The following NUTF2 variants were observed in gnomAD, a reference collection of about 807,000 sequenced individuals.
The protein encoded by NUTF2 is nuclear transport factor 2.
NUTF2 carries 3 observed loss-of-function variants against 18.5 expected under a neutral mutation model. The observed-to-expected ratio is 0.16, with a 90% CI of 0.07 to 0.42. NUTF2 has a LOEUF of 0.42. NUTF2 is among the 10% of genes least tolerant of loss of function. The probability of loss-of-function intolerance (pLI) is 0.99; values close to 1 mark genes in which losing one functional copy is unlikely to be tolerated. For missense variants in NUTF2, 44 were observed against 160.7 expected (o/e 0.27, Z 3.93); for synonymous variants, 51 against 57.9 (o/e 0.88, Z 0.54).
chr16:67,855,891 G>GT (rs372307093), intron 1 of NUTF2: 17 of 430,858 alleles, frequency 3.9e-5, no homozygotes, highest in African/African-American at 2.3e-4. Context: ...TTTTGGCGGG[G>GT]GGGGGGGATG....
At chr16:67,850,233 C>T (rs182284521) in intron 1 of NUTF2, among the ~76,000 whole-genome samples, 407 of 147,556 alleles carry the variant, frequency 2.8e-3, no homozygotes, top group Admixed American at 7.1e-3. Context: ...GAGATGGAGT[C>T]GTACTCTGTC....
chr16:67,851,754 G>C (rs960276732), intron 1 of NUTF2, among the ~76,000 whole-genome samples: 1 of 152,030 alleles, frequency 6.6e-6, no homozygotes, highest in Admixed American at 6.6e-5. Context: ...AGTGGCTCAC[G>C]CCTGTAATCC....
intron 2 of NUTF2, among the ~76,000 whole-genome samples, chr16:67,865,782 G>A (rs1279281302): frequency 3.4e-5 from 5 of 148,080 alleles, no homozygotes; most frequent in African/African-American, 5.0e-5. Flanking sequence ...GCAATGGCTC[G>A]ATCTCAGCTC....
At chr16:67,859,936 G>A (rs8058310) in intron 1 of NUTF2, among the ~76,000 whole-genome samples, 20,773 of 151,018 alleles carry the variant, frequency 0.14, 2,918 homozygotes, top group African/African-American at 0.36. Context: ...CCGGGTAGCT[G>A]GGATTACAGG....
intron 1 of NUTF2, 84 bp downstream of exon 1, chr16:67,847,069 C>T (rs1416329172): frequency 4.7e-5 from 7 of 149,898 alleles, no homozygotes; most frequent in Non-Finnish European, 3.0e-5. Flanking sequence ...CGCTGAGAGT[C>T]CCCGGGCGGC....
chr16:67,852,005 A>C (rs1249073237), intron 1 of NUTF2, among the ~76,000 whole-genome samples: 1 of 152,018 alleles, frequency 6.6e-6, no homozygotes, highest in Non-Finnish European at 1.5e-5. Context: ...AACAACAGCG[A>C]AACTCCATCT....
chr16:67,868,660 T>C (rs2057991370), intron 4 of NUTF2, 61 bp downstream of exon 4: 9 of 1,464,670 alleles, frequency 6.1e-6, no homozygotes, highest in Non-Finnish European at 8.6e-6. Flanking sequence ...CTTGTACCCC[T>C]GCTTTCCCTG....
chr16:67,868,670 G>A, intron 4 of NUTF2, 71 bp downstream of exon 4: 1 of 1,397,398 alleles, frequency 7.2e-7, no homozygotes, highest in African/African-American at 1.4e-5. Context: ...TGCTTTCCCT[G>A]TGGATGTGAC....
rs1332804650 is a variant in NUTF2, at chr16:67,868,482, C to G, written c.172-19C>G. 1.2e-6 allele frequency: 2 copies of G among 1,614,046 alleles called. No homozygotes were observed. Among genetic ancestry groups the G allele is most frequent in the South Asian group, 1.1e-5 (1 of 91,076 alleles). On this transcript the variant is annotated intron_variant, in intron 3 of 4. Coordinates refer to ENST00000219169, the MANE Select transcript of NUTF2 (RefSeq NM_005796.3). Reference sequence around the variant, plus strand: ...CCTTCTGGCCTTGGTTCTCCCACCTCCCACTCTCTCTCTTGTAGAGCCTTC... The same window carrying G: ...CCTTCTGGCCTTGGTTCTCCCACCTGCCACTCTCTCTCTTGTAGAGCCTTC...
intron 2 of NUTF2, among the ~76,000 whole-genome samples, chr16:67,866,612 C>A (rs542539741): frequency 6.6e-6 from 1 of 152,050 alleles, no homozygotes; most frequent in African/African-American, 2.4e-5. Context: ...ACTACAGGCA[C>A]GTGTTGCCAT....
At chr16:67,857,315 G>A (rs1244467191) in intron 1 of NUTF2, among the ~76,000 whole-genome samples, 4 of 152,136 alleles carry the variant, frequency 2.6e-5, no homozygotes, top group African/African-American at 9.7e-5. Context: ...GGCCAGTCAG[G>A]GAAGCCCAGT....
At chr16:67,849,494 A>G (rs1220017061) in intron 1 of NUTF2, among the ~76,000 whole-genome samples, 3 of 151,476 alleles carry the variant, frequency 2.0e-5, no homozygotes, top group Admixed American at 6.6e-5. Context: ...GGCGCACGCC[A>G]CCATGCCTGG....
chr16:67,848,752 A>G (rs1294652837), intron 1 of NUTF2, among the ~76,000 whole-genome samples: 1 of 150,886 alleles, frequency 6.6e-6, no homozygotes, highest in African/African-American at 2.4e-5. Context: ...AAAAAAAAAG[A>G]AAAAGAAAAA....
Position 67,870,783 on chromosome 16 carries a change from C to G in NUTF2, c.271-17C>G. 1 of 1,596,164 alleles carries G rather than the reference C, an allele frequency of 6.3e-7. No individual in the cohort carries two copies. The highest frequency in any genetic ancestry group is 1.7e-5 in the Admixed American group (1 of 59,964). ...TTTCTTGATCCCCTTACTGAATCCT[C>G]TTTTCTCTCCTCATAGGCGGATGAA... On this transcript the variant is annotated splice_polypyrimidine_tract_variant and intron_variant, in intron 4 of 4. Coordinates refer to ENST00000219169, the MANE Select transcript of NUTF2 (RefSeq NM_005796.3).
chr16:67,872,227 C>G lies in NUTF2; in HGVS notation c.*1314C>G, dbSNP rs2058018792. 1 of 152,232 alleles carries G rather than the reference C, an allele frequency of 6.6e-6. No individual in the cohort carries two copies. Among genetic ancestry groups the G allele is most frequent in the Non-Finnish European group, 1.5e-5 (1 of 68,056 alleles). The allele number at this position is 152,232 out of a possible 1,614,324, so 9.4% of individuals were successfully genotyped here. A position where few individuals can be genotyped will look rare whatever the true frequency, so the allele number is the denominator to read the frequency against. On this transcript the variant is annotated 3_prime_UTR_variant, in exon 5 of 5. Transcript: ENST00000219169. The stretch of plus-strand genomic sequence containing the variant: ...CAAACCCAAGATTTGGGTCAGTGCC[C>G]TGTTAAGGGTTTTAGGATTGGTAAG...
At chr16:67,861,890 T>TG (rs749088928) in intron 1 of NUTF2, among the ~76,000 whole-genome samples, 4 of 152,288 alleles carry the variant, frequency 2.6e-5, no homozygotes, top group South Asian at 2.1e-4. Flanking sequence ...GGGGATAGGA[T>TG]GGGGGCTCTG....
intron 2 of NUTF2, among the ~76,000 whole-genome samples, chr16:67,866,446 C>T (rs1383632377): frequency 6.6e-6 from 1 of 151,472 alleles, no homozygotes; most frequent in Non-Finnish European, 1.5e-5. Flanking sequence ...GCTGAGGCTA[C>T]AGGCATGCAC....
In NUTF2 at chr16:67,868,329, G is replaced by A; in HGVS notation, c.100-11G>A. 2 of 1,613,108 alleles carry A rather than the reference G, an allele frequency of 1.2e-6. No homozygotes were observed. The highest frequency in any genetic ancestry group is 1.7e-6 in the Non-Finnish European group (2 of 1,179,170). On this transcript the variant is annotated splice_polypyrimidine_tract_variant and intron_variant, in intron 2 of 4. Transcript: ENST00000219169. Reference sequence around the variant, plus strand: ...AGGCCCCAACCCTGGGGTTTCCTGTGCCTTTTTCAGATTGACGCGTCATGC... The same window carrying A: ...AGGCCCCAACCCTGGGGTTTCCTGTACCTTTTTCAGATTGACGCGTCATGC...
At chr16:67,866,629 C>T (rs1246343171) in intron 2 of NUTF2, among the ~76,000 whole-genome samples, 2 of 152,076 alleles carry the variant, frequency 1.3e-5, no homozygotes, top group African/African-American at 2.4e-5. Flanking sequence ...CCATGCCCGG[C>T]TAATTTTTGT....
Sources: allele counts gnomAD v4.1 joint callset (sites outside exome capture counted in the v4.1 genomes callset), GRCh38; gene constraint gnomAD v4.1.1; transcripts MANE v1.5; gene names NCBI Gene and HGNC (gene_info 2026-07-23, HGNC 2026-07-21).